Variants in RORA observed in about 807,000 individuals in gnomAD.
RORA encodes RAR related orphan receptor A.
A neutral mutation model predicts 69.5 loss-of-function variants in RORA; 7 were observed. That is an observed-to-expected ratio of 0.10 (90% CI 0.06 to 0.19). RORA has a LOEUF of 0.19. RORA is among the 10% of genes least tolerant of loss of function. The pLI is 1.00. For missense variants in RORA, 457 were observed against 663.0 expected, an observed-to-expected ratio of 0.69 and a Z score of 3.41; for synonymous variants, 261 against 240.8, an observed-to-expected ratio of 1.08 and a Z score of -0.78.
intron 1 of RORA, among the ~76,000 whole-genome samples, chr15:61,118,206 G>T (rs2079067508): frequency 6.6e-6 from 1 of 152,142 alleles, no homozygotes; most frequent in Non-Finnish European, 1.5e-5. Flanking sequence ...GGTAGGGGTG[G>T]GGGAATGTCA....
intron 1 of RORA, among the ~76,000 whole-genome samples, chr15:60,894,211 C>T (rs191315612): frequency 2.0e-5 from 3 of 152,328 alleles, no homozygotes; most frequent in East Asian, 1.9e-4. Flanking sequence ...GCCGCTTCAG[C>T]GATCATTTTT....
chr15:61,127,488 G>C (rs915998184), intron 1 of RORA, among the ~76,000 whole-genome samples: 10 of 152,260 alleles, frequency 6.6e-5, no homozygotes, highest in African/African-American at 2.4e-4. Flanking sequence ...TCTCTGACTT[G>C]AAATGTCTGG....
chr15:60,622,051 A>G (rs1274031597), intron 2 of RORA, among the ~76,000 whole-genome samples: 1 of 152,056 alleles, frequency 6.6e-6, no homozygotes, highest in African/African-American at 2.4e-5. Context: ...TGTGACTCAA[A>G]AAAAAGGAAA....
chr15:60,518,554 C>A (rs1359483671), intron 3 of RORA, among the ~76,000 whole-genome samples: 2 of 152,222 alleles, frequency 1.3e-5, no homozygotes, highest in Non-Finnish European at 2.9e-5. Context: ...ACCAAGTGGG[C>A]TAGAGCCCAC....
chr15:61,211,293 A>AT (rs140859876), intron 1 of RORA, among the ~76,000 whole-genome samples: 42,752 of 146,988 alleles, frequency 0.29, 6,790 homozygotes, highest in South Asian at 0.37. Flanking sequence ...GCAAAAAAAA[A>AT]AAAAAAAAAA....
intron 1 of RORA, among the ~76,000 whole-genome samples, chr15:60,956,732 C>A: frequency 6.6e-6 from 1 of 152,150 alleles, no homozygotes; most frequent in East Asian, 1.9e-4. Flanking sequence ...CAATAAATAG[C>A]TATTACTGTT....
intron 1 of RORA, among the ~76,000 whole-genome samples, chr15:60,897,524 T>C (rs1891262580): frequency 6.6e-6 from 1 of 152,188 alleles, no homozygotes; most frequent in African/African-American, 2.4e-5. Context: ...CTCCCTATTC[T>C]GGGGGTGAGG....
intron 1 of RORA, among the ~76,000 whole-genome samples, chr15:61,016,272 T>C (rs1895282389): frequency 6.6e-6 from 1 of 152,216 alleles, no homozygotes; most frequent in Middle Eastern, 3.2e-3. Flanking sequence ...CACTGACCAT[T>C]GCACCTGGCA....
chr15:60,974,722 A>G (rs775785049), intron 1 of RORA, among the ~76,000 whole-genome samples: 1 of 152,206 alleles, frequency 6.6e-6, no homozygotes, highest in Non-Finnish European at 1.5e-5. Flanking sequence ...GAGTGGCAGC[A>G]TCATACAACT....
At chr15:61,160,386 A>G (rs887327903) in intron 1 of RORA, among the ~76,000 whole-genome samples, 1 of 152,228 alleles carries the variant, frequency 6.6e-6, no homozygotes, top group Non-Finnish European at 1.5e-5. Context: ...GTTACATTAC[A>G]CATTTTCACA....
At chr15:60,852,587 G>A (rs2073338135) in intron 1 of RORA, among the ~76,000 whole-genome samples, 1 of 152,152 alleles carries the variant, frequency 6.6e-6, no homozygotes, top group South Asian at 2.1e-4. Flanking sequence ...AGCTATCTGA[G>A]GAAACAAGAT....
At chr15:60,943,928 A>AAAAAT (rs2140325969) in intron 1 of RORA, among the ~76,000 whole-genome samples, 1 of 148,816 alleles carries the variant, frequency 6.7e-6, no homozygotes, top group Non-Finnish European at 1.5e-5. Context: ...AAAAAAAAAA[A>AAAAAT]AAAAAAAAAA....
chr15:61,204,535 T>C (rs1481122221), intron 1 of RORA, among the ~76,000 whole-genome samples: 2 of 152,206 alleles, frequency 1.3e-5, no homozygotes, highest in Non-Finnish European at 2.9e-5. Flanking sequence ...AAGATGAGTC[T>C]GGAAGGCTGG....
intron 1 of RORA, among the ~76,000 whole-genome samples, chr15:61,151,578 C>T (rs1337470927): frequency 2.0e-5 from 3 of 152,192 alleles, no homozygotes; most frequent in Non-Finnish European, 2.9e-5. Context: ...CTCATGATAT[C>T]AATCTAAATA....
chr15:60,985,520 A>G (rs892758332), intron 1 of RORA, among the ~76,000 whole-genome samples: 5 of 151,426 alleles, frequency 3.3e-5, no homozygotes, highest in South Asian at 2.1e-4. Context: ...TTGGAAATCT[A>G]TGAAGGTATA....
chr15:60,692,219 A>T (rs887747134), intron 1 of RORA, among the ~76,000 whole-genome samples: 10 of 152,078 alleles, frequency 6.6e-5, no homozygotes, highest in South Asian at 4.2e-4. Context: ...CCAGATTTTT[A>T]AAAAAATACA....
In RORA at chr15:60,990,699, C is replaced by A. The variant is rs28722772; in HGVS notation, c.166+238354G>T. Among the ~76,000 whole-genome samples the A allele has an allele frequency of 1.9e-3, 289 of 152,306 alleles. 3 individuals carry two copies. The highest frequency in any genetic ancestry group is 6.5e-3 in the African/African-American group (272 of 41,560). On this transcript the variant is annotated intron_variant, in intron 1 of 10. Transcript: ENST00000335670. ...TTTCCTCACACACTGTGTATGCACACACACACACATCCAAGCCCAAACACC... is the reference window on the plus strand; with the variant it reads ...TTTCCTCACACACTGTGTATGCACAAACACACACATCCAAGCCCAAACACC...
At chr15:60,972,978 A>G (rs1178948427) in intron 1 of RORA, among the ~76,000 whole-genome samples, 1 of 145,366 alleles carries the variant, frequency 6.9e-6, no homozygotes, top group Admixed American at 7.0e-5. Context: ...TCTTTAATTG[A>G]CTGAGAAGCA....
intron 1 of RORA, among the ~76,000 whole-genome samples, chr15:60,760,251 G>A (rs1331781714): frequency 1.3e-5 from 2 of 152,084 alleles, no homozygotes; most frequent in East Asian, 3.9e-4. Context: ...ATGAATGTGG[G>A]CTAAACATTC....
Sources: gnomAD v4.1 joint callset for allele counts (sites outside exome capture counted in the v4.1 genomes callset) on GRCh38, gnomAD v4.1.1 for gene constraint, MANE v1.5 for transcripts, NCBI Gene and HGNC (gene_info 2026-07-23, HGNC 2026-07-21) for gene names.